The following PARD3B variants were observed in gnomAD, a reference collection of about 807,000 sequenced individuals.
PARD3B encodes the protein partitioning defective 3 homolog B.
A neutral mutation model predicts 130.2 loss-of-function variants in PARD3B; 103 were observed. That is an observed-to-expected ratio of 0.79 (90% CI 0.67 to 0.93). PARD3B has a LOEUF of 0.93. PARD3B is among the 40% of genes least tolerant of loss of function. The pLI is 0.00. For synonymous variants in PARD3B, 583 were observed against 553.2 expected (o/e 1.05, Z -0.76); for missense variants, 1,609 against 1,499.2 (o/e 1.07, Z -1.21).
At chr2:205,385,057 A>G (rs1358967311) in intron 18 of PARD3B, among the ~76,000 whole-genome samples, 1 of 152,038 alleles carries the variant, frequency 6.6e-6, no homozygotes, top group African/African-American at 2.4e-5. Context: ...TTAATTTGAT[A>G]TTTTTAGGCT....
chr2:204,921,887 A>C (rs1173212412), intron 2 of PARD3B, among the ~76,000 whole-genome samples: 1 of 152,158 alleles, frequency 6.6e-6, no homozygotes, highest in East Asian at 1.9e-4. Context: ...AAGGTGTGAC[A>C]GATGCAAAAG....
intron 18 of PARD3B, among the ~76,000 whole-genome samples, chr2:205,378,664 A>C (rs2045174984): frequency 2.1e-5 from 3 of 140,184 alleles, no homozygotes; most frequent in South Asian, 4.4e-4. Flanking sequence ...ACAGAGTTTC[A>C]CTCAGTCGTC....
chr2:204,942,186 A>G (rs1688955490), intron 2 of PARD3B, among the ~76,000 whole-genome samples: 1 of 152,214 alleles, frequency 6.6e-6, no homozygotes, highest in Non-Finnish European at 1.5e-5. Flanking sequence ...ACCAATTGCT[A>G]AAATGAATAA....
chr2:205,298,720 G>A (rs951489452), intron 16 of PARD3B, among the ~76,000 whole-genome samples: 4 of 152,234 alleles, frequency 2.6e-5, no homozygotes, highest in African/African-American at 4.8e-5. Context: ...CCTACTTGAC[G>A]AGGCTCCAGG....
Position 205,521,141 on chromosome 2 carries a change from TTA to T in PARD3B, c.3180+21113_3180+21114del, listed in dbSNP as rs539055423. Among the ~76,000 whole-genome samples the T allele has an allele frequency of 6.2e-3, 935 of 152,030 alleles. 6 individuals carry two copies. Among genetic ancestry groups the T allele is most frequent in the African/African-American group, 0.021 (878 of 41,524 alleles). Reference sequence around the variant, plus strand: ...ACTGAACAAATACTAATGGTCTGTTTTATACAGCTTTTAGAGCAACCCTATTA... The same window carrying T: ...ACTGAACAAATACTAATGGTCTGTTTTACAGCTTTTAGAGCAACCCTATTA... On this transcript the variant is annotated intron_variant, in intron 21 of 22. Coordinates refer to ENST00000406610, the MANE Select transcript of PARD3B (RefSeq NM_001302769.2).
At chr2:205,191,060 A>G (rs1289741983) in intron 14 of PARD3B, among the ~76,000 whole-genome samples, 2 of 140,412 alleles carry the variant, frequency 1.4e-5, no homozygotes, top group Non-Finnish European at 3.0e-5. Flanking sequence ...GTACCCAGAC[A>G]CCAGGAAAGA....
chr2:205,500,677 C>T (rs2050126299), intron 21 of PARD3B, among the ~76,000 whole-genome samples: 1 of 152,222 alleles, frequency 6.6e-6, no homozygotes, highest in Admixed American at 6.5e-5. Flanking sequence ...CTTAACTCTT[C>T]AGCATCTACA....
chr2:205,340,616 TA>T (rs2043489225), intron 18 of PARD3B, among the ~76,000 whole-genome samples: 1 of 152,028 alleles, frequency 6.6e-6, no homozygotes, highest in Non-Finnish European at 1.5e-5. Flanking sequence ...ATTAAAGACT[TA>T]AAGGTAAGAT....
chr2:205,327,976 G>A (rs2042991476), intron 18 of PARD3B, among the ~76,000 whole-genome samples: 1 of 152,098 alleles, frequency 6.6e-6, no homozygotes, highest in African/African-American at 2.4e-5. Flanking sequence ...CAGTGGTCTA[G>A]CTTGGCCTCT....
chr2:204,929,945 G>C (rs1575335305), intron 2 of PARD3B, among the ~76,000 whole-genome samples: 1 of 152,038 alleles, frequency 6.6e-6, no homozygotes, highest in African/African-American at 2.4e-5. Flanking sequence ...ATGAAAATCT[G>C]GGTGTATTTT....
chr2:204,798,802 G>A (rs1198345708), intron 2 of PARD3B, among the ~76,000 whole-genome samples: 1 of 152,098 alleles, frequency 6.6e-6, no homozygotes, highest in Non-Finnish European at 1.5e-5. Flanking sequence ...GGAACCCGAT[G>A]CCTTGAAGGG....
In PARD3B at chr2:204,750,623, TACATACATAC is replaced by T. The variant is rs1237380959; in HGVS notation, c.222+64345_222+64354del. On this transcript the variant is annotated intron_variant, in intron 2 of 22. Transcript: ENST00000406610. ...ATACATACATACATACATACATACA[TACATACATAC>T]ACACACACATACATACATACATAAA... Among the ~76,000 whole-genome samples the T allele has an allele frequency of 8.5e-3, 1,290 of 151,322 alleles. 10 individuals are homozygous for T. Among genetic ancestry groups the T allele is most frequent in the African/African-American group, 0.029 (1,183 of 40,908 alleles).
At chr2:205,521,997 G>T (rs2051081895) in intron 21 of PARD3B, among the ~76,000 whole-genome samples, 1 of 152,010 alleles carries the variant, frequency 6.6e-6, no homozygotes, top group South Asian at 2.1e-4. Flanking sequence ...TGGAAAAGGA[G>T]ATTATTTTTT....
In PARD3B at chr2:205,197,028, GGGGGGT is replaced by G. The variant is rs1268881929; in HGVS notation, c.2140+3710_2140+3715del. ...AAACAGGAATGCTTCCACTGTGGGG[GGGGGGT>G]GTGTGTGTGTGTGTGTGTGTGTGTG... On this transcript the variant is annotated intron_variant, in intron 15 of 22. Coordinates refer to ENST00000406610, the MANE Select transcript of PARD3B (RefSeq NM_001302769.2). 2.4e-3 allele frequency among the ~76,000 whole-genome samples: 23 copies of G among 9,488 alleles called. 1 individual carries two copies. The highest frequency in any genetic ancestry group is 8.8e-3 in the South Asian group (4 of 454). The allele number at this position is 9,488 out of a possible 152,430, so 6.2% of individuals were successfully genotyped here.
At chr2:205,177,009 A>G (rs1192205765) in intron 13 of PARD3B, among the ~76,000 whole-genome samples, 1 of 152,218 alleles carries the variant, frequency 6.6e-6, no homozygotes, top group Non-Finnish European at 1.5e-5. Flanking sequence ...TGAGTATGAT[A>G]AATGGGTGAA....
intron 18 of PARD3B, among the ~76,000 whole-genome samples, chr2:205,348,621 CT>C (rs2043881525): frequency 6.6e-6 from 1 of 152,216 alleles, no homozygotes; most frequent in African/African-American, 2.4e-5. Flanking sequence ...TTCCCATTCA[CT>C]GCACAAAATG....
intron 2 of PARD3B, among the ~76,000 whole-genome samples, chr2:204,698,174 A>T (rs1185512636): frequency 6.6e-6 from 1 of 151,836 alleles, no homozygotes. Flanking sequence ...TTTTTCTGTG[A>T]CTCACAGATT....
intron 1 of PARD3B, among the ~76,000 whole-genome samples, chr2:204,584,410 A>G (rs1400796217): frequency 6.6e-6 from 1 of 152,204 alleles, no homozygotes; most frequent in African/African-American, 2.4e-5. Flanking sequence ...AACAGCTAAG[A>G]GTATAGCTAG....
intron 21 of PARD3B, among the ~76,000 whole-genome samples, chr2:205,507,509 C>A (rs1045987861): frequency 2.6e-5 from 4 of 151,962 alleles, no homozygotes; most frequent in Admixed American, 2.6e-4. Flanking sequence ...CCACCGCACC[C>A]GGCCACAATA....
Sources: allele counts gnomAD v4.1 joint callset (sites outside exome capture counted in the v4.1 genomes callset), GRCh38; gene constraint gnomAD v4.1.1; transcripts MANE v1.5; gene names NCBI Gene and HGNC (gene_info 2026-07-23, HGNC 2026-07-21).